NUP205: variants seen among roughly 807,000 people sequenced by gnomAD.
NUP205 encodes nucleoporin 205, also known as nuclear pore complex protein Nup205.
Under a neutral mutation model 253.8 loss-of-function variants are expected in NUP205, and 76 were observed. The ratio of observed to expected loss-of-function variants is 0.30; its 90% CI spans 0.25 to 0.36. The LOEUF is 0.36. Among genes scored for constraint, NUP205 ranks in the 10% least tolerant of loss-of-function variants. The pLI, the probability that NUP205 is intolerant of heterozygous loss-of-function variation, is 1.00. For synonymous variants in NUP205, 832 were observed against 850.1 expected (o/e 0.98, Z 0.37); for missense variants, 2,162 against 2,425.5 (o/e 0.89, Z 2.28).
At chr7:135,639,799 G>A (rs1357104532) in intron 38 of NUP205, among the ~76,000 whole-genome samples, 2 of 152,080 alleles carry the variant, frequency 1.3e-5, no homozygotes, top group African/African-American at 2.4e-5. Context: ...CAAAGACTTG[G>A]AACCAACCCA....
intron 35 of NUP205, among the ~76,000 whole-genome samples, chr7:135,634,736 G>T (rs891393797): frequency 6.6e-6 from 1 of 152,150 alleles, no homozygotes. Context: ...TCGGGAAGCG[G>T]TGAGGCACGG....
intron 7 of NUP205, 144 bp downstream of exon 7, chr7:135,579,059 G>A (rs1184782719): frequency 3.8e-6 from 2 of 525,364 alleles, no homozygotes; most frequent in African/African-American, 3.9e-5. Context: ...CTTTAGTGTA[G>A]TAGTGAAATA....
At chr7:135,581,500 G>T (rs1217998938) in intron 7 of NUP205, among the ~76,000 whole-genome samples, 2 of 151,846 alleles carry the variant, frequency 1.3e-5, no homozygotes, top group African/African-American at 4.8e-5. Context: ...AGCTGAAATT[G>T]CTCCACTGCA....
Position 135,605,905 on chromosome 7 carries a change from G to A in NUP205, c.2824-240G>A, listed in dbSNP as rs113013866. Among the ~76,000 whole-genome samples, 1,312 of 151,038 alleles carry A rather than the reference G, an allele frequency of 8.7e-3. 21 individuals carry two copies. The highest frequency in any genetic ancestry group is 0.031 in the African/African-American group (1,253 of 41,022). Reference sequence around the variant, plus strand: ...ATGCTTTGGGAAGGAAAATTAGGAAGCAAGTTTTGAAATCAATGAATTTAT... The same window carrying A: ...ATGCTTTGGGAAGGAAAATTAGGAAACAAGTTTTGAAATCAATGAATTTAT... On this transcript the variant is annotated intron_variant, in intron 19 of 42. Transcript: ENST00000285968.
chr7:135,573,226 A>G (rs906413691), intron 2 of NUP205, among the ~76,000 whole-genome samples: 2 of 152,232 alleles, frequency 1.3e-5, no homozygotes, highest in Admixed American at 6.5e-5. Context: ...GCACCAAATT[A>G]TCTTTTAGGA....
rs780082741 is a variant in NUP205, at chr7:135,645,553, C to G, written c.5769C>G (p.Ser1923=). 5 of 1,614,090 alleles carry G rather than the reference C, an allele frequency of 3.1e-6. No individual in the cohort carries two copies. In the East Asian group the frequency reaches 8.9e-5, roughly 29 times the overall value. ...GCATGCCCACGGATTCTCAAGATTC[C>G]TTATTTGCCTCGAGAACCTTGTTTA... ...LHCMPTDSQD[S]LFASRTLFKS... is the part of the protein sequence containing the mutation. Residue 1923 remains serine, a synonymous_variant, in exon 41 of 43, where the codon TCC becomes TCG. Coordinates refer to ENST00000285968, the MANE Select transcript of NUP205 (RefSeq NM_015135.3).
intron 1 of NUP205, among the ~76,000 whole-genome samples, chr7:135,562,012 A>G (rs992371614): frequency 6.7e-6 from 1 of 150,256 alleles, no homozygotes; most frequent in Non-Finnish European, 1.5e-5. Context: ...CCACCTCCCA[A>G]GTTTAAATGA....
chr7:135,619,753 A>G (rs1397761164), intron 29 of NUP205, 37 bp from the exon 30 acceptor site: 2 of 1,596,686 alleles, frequency 1.3e-6, no homozygotes, highest in Non-Finnish European at 1.7e-6. Flanking sequence ...TTTAATTGAG[A>G]AAAGATTTTC....
chr7:135,627,927 A>G (rs1336875235), intron 33 of NUP205, 46 bp from the exon 34 acceptor site: 5 of 1,603,092 alleles, frequency 3.1e-6, no homozygotes, highest in Non-Finnish European at 3.4e-6. Context: ...TGCCGAGAGT[A>G]TACCTTAATT....
intron 36 of NUP205, among the ~76,000 whole-genome samples, chr7:135,636,373 A>G (rs1794810167): frequency 6.6e-6 from 1 of 152,094 alleles, no homozygotes; most frequent in African/African-American, 2.4e-5. Context: ...TTGTGTACAT[A>G]TTTTACTCTG....
intron 25 of NUP205, 33 bp from the exon 26 acceptor site, chr7:135,617,057 A>G (rs752463060): frequency 1.3e-6 from 2 of 1,525,882 alleles, no homozygotes; most frequent in Non-Finnish European, 1.8e-6. Context: ...TCAATGTCCC[A>G]AGTAAAATCA....
rs1250008382 is a variant in NUP205 at position 135,615,889 on chromosome 7, A to T, written c.3311-27A>T. 2.5e-6 allele frequency: 4 copies of T among 1,584,878 alleles called. No homozygotes were observed. In the Admixed American group the frequency reaches 5.3e-5, roughly 21 times the overall value. On this transcript the variant is annotated intron_variant, in intron 23 of 42. Coordinates refer to ENST00000285968, the MANE Select transcript of NUP205 (RefSeq NM_015135.3). Reference sequence around the variant, plus strand: ...TTGATACTGTGTTATTACTCTGGGAAACAAAATTTACATGTTTAAATTCTA... The same window carrying T: ...TTGATACTGTGTTATTACTCTGGGATACAAAATTTACATGTTTAAATTCTA...
At chr7:135,568,676 T>C (rs924151560) in intron 1 of NUP205, among the ~76,000 whole-genome samples, 2 of 152,202 alleles carry the variant, frequency 1.3e-5, no homozygotes, top group Non-Finnish European at 2.9e-5. Context: ...TATATACATG[T>C]GTACTGGGTT....
At chr7:135,642,241 T>G (rs1036668424) in intron 38 of NUP205, among the ~76,000 whole-genome samples, 3 of 146,298 alleles carry the variant, frequency 2.1e-5, no homozygotes, top group African/African-American at 7.6e-5. Context: ...GATGACAGAG[T>G]AAGACTCCAT....
At position 135,598,175 on chromosome 7, in the gene NUP205, C is replaced by T. The variant is rs145323158; in HGVS notation, c.2242C>T (p.Arg748Cys). ...TAGAGACTCTGTGTTTCTACGATTC[C>T]GTACAAGAGCTTACCGGAGAGCAGC... ...FLRDSVFLRF[R>C]TRAYRRAAEK... The change falls in exon 15 of 43, where the codon CGT becomes TGT. Residue 748 changes from arginine (R) to cysteine (C), a missense_variant. Physicochemically the swap from Arg to Cys is radical, Grantham distance 180. Transcript: ENST00000285968. The T allele has an allele frequency of 2.0e-5, 33 of 1,613,944 alleles. 1 individual carries two copies. The South Asian group carries it at 2.7e-4, about 13-fold the overall frequency.
chr7:135,617,657 T>C lies in NUP205; in HGVS notation c.3746T>C (p.Ile1249Thr), dbSNP rs1374017372. 6.2e-6 allele frequency: 10 copies of C among 1,611,508 alleles called. No homozygotes were observed. Among genetic ancestry groups the C allele is most frequent in the East Asian group, 4.5e-5 (2 of 44,852 alleles). Reference sequence around the variant, plus strand: ...AATGCCCTTCAGGGTATGGCAGCCATAGGACAGAGACCTCTACTAATGGAG... The same window carrying C: ...AATGCCCTTCAGGGTATGGCAGCCACAGGACAGAGACCTCTACTAATGGAG... ...EVNALQGMAA[I>T]GQRPLLMEEI... Residue 1249 changes from isoleucine to threonine, a missense_variant, in exon 27 of 43, where the codon ATA becomes ACA. Physicochemically the swap from Ile to Thr is moderately conservative, Grantham distance 89. Around this residue, in one of 5 missense-constraint regions of NUP205, gnomAD observed 1,144 missense variants for 1,280.9 expected, o/e 0.89. Coordinates refer to ENST00000285968, the MANE Select transcript of NUP205 (RefSeq NM_015135.3).
chr7:135,587,283 A>C (rs1025961974), intron 8 of NUP205, among the ~76,000 whole-genome samples: 1 of 152,240 alleles, frequency 6.6e-6, no homozygotes, highest in African/African-American at 2.4e-5. Context: ...AATCCAACCC[A>C]GTGAAGAAAC....
In NUP205 at chr7:135,637,981, T is replaced by G; in HGVS notation, c.5187T>G (p.Arg1729=). 1 of 1,614,072 alleles carries G rather than the reference T, an allele frequency of 6.2e-7. No homozygotes were observed. Among genetic ancestry groups the G allele is most frequent in the Non-Finnish European group, 8.5e-7 (1 of 1,179,934 alleles). ...LSRFGGSDRL[R]QFKFQDDNVE... is the part of the protein sequence containing the mutation. ...GCTTTGGTGGCTCTGACAGACTGCG[T>G]CAGTTTAAATTTCAAGACGATAATG... Residue 1729 remains arginine (R), a synonymous_variant, in exon 37 of 43, where the codon CGT becomes CGG. Coordinates refer to ENST00000285968, the MANE Select transcript of NUP205 (RefSeq NM_015135.3).
intron 22 of NUP205, among the ~76,000 whole-genome samples, chr7:135,611,837 G>A (rs1474803354): frequency 2.0e-5 from 3 of 152,074 alleles, no homozygotes; most frequent in East Asian, 1.9e-4. Flanking sequence ...ATTTCCAGGC[G>A]GGCACTGTGG....
Sources: gnomAD v4.1 joint callset for allele counts (sites outside exome capture counted in the v4.1 genomes callset) on GRCh38, gnomAD v4.1.1 for gene constraint, gnomAD v4.1.1 regional missense constraint, MANE v1.5 for transcripts, NCBI Gene and HGNC (gene_info 2026-07-23, HGNC 2026-07-21) for gene names.